The following GCA variants were observed in gnomAD, a reference collection of about 807,000 sequenced individuals.
The protein encoded by GCA is grancalcin.
A neutral mutation model predicts 32.6 loss-of-function variants in GCA; 30 were observed. The ratio of observed to expected loss-of-function variants is 0.92; its 90% CI spans 0.69 to 1.25. The LOEUF is 1.25. Among genes scored for constraint, GCA ranks in the 50% most tolerant of loss-of-function variants. GCA has a pLI of 0.00. For synonymous variants in GCA, 102 were observed against 84.6 expected (o/e 1.21, Z -1.13); for missense variants, 291 against 266.8 (o/e 1.09, Z -0.63).
chr2:162,361,084 T>G lies in GCA; in HGVS notation c.*841T>G. ...GTTGTTTAAATGTAATGTCAACTCTTTATAAACTTAAAAATAAACAAGTAA... is the reference window on the plus strand; with the variant it reads ...GTTGTTTAAATGTAATGTCAACTCTGTATAAACTTAAAAATAAACAAGTAA... On this transcript the variant is annotated 3_prime_UTR_variant, in exon 8 of 8. Coordinates refer to ENST00000437150, the MANE Select transcript of GCA (RefSeq NM_012198.5). The G allele has an allele frequency of 1.1e-6, 1 of 949,592 alleles. No individual in the cohort carries two copies. Among genetic ancestry groups the G allele is most frequent in the Non-Finnish European group, 1.3e-6 (1 of 791,920 alleles). 58.8% of individuals were successfully genotyped at this position (949,592 alleles called of 1,614,324 possible).
intron 1 of GCA, among the ~76,000 whole-genome samples, chr2:162,323,480 G>T (rs1025151730): frequency 5.3e-5 from 8 of 151,740 alleles, no homozygotes; most frequent in African/African-American, 1.9e-4. Context: ...TGAAGTCCTT[G>T]CCCATGCGTA....
At chr2:162,356,542 G>A in intron 4 of GCA, 61 bp downstream of exon 4, 2 of 1,073,872 alleles carry the variant, frequency 1.9e-6, no homozygotes, top group Non-Finnish European at 2.9e-6. Context: ...TGACTATCAA[G>A]CCAGTGGTTA....
At chr2:162,372,162 T>A, downstream of GCA, 1 of 1,252,668 alleles carries the variant, frequency 8.0e-7, no homozygotes, top group Non-Finnish European at 1.1e-6. Context: ...AAAATTACAC[T>A]AATAAAAACT....
At chr2:162,371,394 C>G (rs963091350) in exon 5 of GCA, 5 of 1,288,382 alleles carry the variant, frequency 3.9e-6, no homozygotes, top group Non-Finnish European at 5.1e-6. Context: ...CCCTTTATCC[C>G]CCTGGAATTC....
intron 3 of GCA, 74 bp from the exon 4 acceptor site, chr2:162,356,364 A>T (rs1169204074): frequency 2.4e-6 from 2 of 836,882 alleles, no homozygotes; most frequent in Non-Finnish European, 4.1e-6. Flanking sequence ...TTTATTTTGA[A>T]ACTGGAGATT....
At chr2:162,366,892 T>C (rs1324104601), downstream of GCA, among the ~76,000 whole-genome samples, 1 of 151,918 alleles carries the variant, frequency 6.6e-6, no homozygotes, top group Non-Finnish European at 1.5e-5. Context: ...GTTTTTGTTA[T>C]ACAGTATGAA....
At chr2:162,323,753 G>A (rs1576251824) in intron 1 of GCA, among the ~76,000 whole-genome samples, 1 of 151,762 alleles carries the variant, frequency 6.6e-6, no homozygotes, top group East Asian at 1.9e-4. Flanking sequence ...GCTCTGTTCT[G>A]TTCCATTGAT....
chr2:162,372,118 A>G, downstream of GCA: 3 of 1,574,698 alleles, frequency 1.9e-6, no homozygotes, highest in Non-Finnish European at 1.7e-6. Context: ...GAACAAAACA[A>G]GTTTTTATAA....
In GCA at chr2:162,362,547, C is replaced by A. The variant is rs986801186; in HGVS notation, c.*2304C>A. The A allele has an allele frequency of 1.0e-6, 1 of 957,828 alleles. No homozygotes were observed. The highest frequency in any genetic ancestry group is 1.2e-6 in the Non-Finnish European group (1 of 804,936). 59.3% of individuals were successfully genotyped at this position (957,828 alleles called of 1,614,324 possible). On this transcript the variant is annotated 3_prime_UTR_variant, in exon 8 of 8. Transcript: ENST00000437150. Reference sequence around the variant, plus strand: ...TGTAAATTATTGAATAATGTACACTCTTAATGTATAAGTGCTTTTATTTAT... The same window carrying A: ...TGTAAATTATTGAATAATGTACACTATTAATGTATAAGTGCTTTTATTTAT...
At chr2:162,327,109 C>A (rs758998021) in intron 1 of GCA, among the ~76,000 whole-genome samples, 1 of 152,074 alleles carries the variant, frequency 6.6e-6, no homozygotes. Context: ...TGGTTCTGCC[C>A]AATTGGTCGG....
At chr2:162,328,036 C>T (rs191343603) in intron 1 of GCA, among the ~76,000 whole-genome samples, 13 of 152,108 alleles carry the variant, frequency 8.5e-5, no homozygotes, top group African/African-American at 2.6e-4. Flanking sequence ...CCCTTTAGCC[C>T]GTCGCTGCAC....
intron 6 of GCA, 136 bp from the exon 7 acceptor site, chr2:162,359,358 T>A (rs1412330487): frequency 1.7e-6 from 1 of 591,344 alleles, no homozygotes; most frequent in Non-Finnish European, 3.0e-6. Flanking sequence ...TTTTCTCATA[T>A]CTCTGTTGCC....
chr2:162,332,119 C>A (rs1684108427), intron 1 of GCA, among the ~76,000 whole-genome samples: 1 of 151,718 alleles, frequency 6.6e-6, no homozygotes, highest in Non-Finnish European at 1.5e-5. Context: ...ACCATCCTGG[C>A]TAACATGGTG....
exon 5 of GCA, chr2:162,371,513 A>T: frequency 8.2e-7 from 1 of 1,213,560 alleles, no homozygotes; most frequent in Non-Finnish European, 1.1e-6. Flanking sequence ...GGTTTAGTAA[A>T]AGCAGTAAAT....
chr2:162,341,722 T>A (rs1254571451), upstream of GCA, among the ~76,000 whole-genome samples: 1 of 152,218 alleles, frequency 6.6e-6, no homozygotes, highest in Non-Finnish European at 1.5e-5. Context: ...TTTATTATAT[T>A]CTGAAATACA....
chr2:162,371,762 A>T, downstream of GCA: 1 of 1,427,806 alleles, frequency 7.0e-7, no homozygotes, highest in Non-Finnish European at 9.6e-7. Flanking sequence ...GAGAGGATTT[A>T]AATAGAAAAA....
upstream of GCA, among the ~76,000 whole-genome samples, chr2:162,339,496 A>T (rs959856717): frequency 3.3e-5 from 5 of 152,166 alleles, no homozygotes; most frequent in African/African-American, 1.2e-4. Flanking sequence ...TTCAACTTTC[A>T]GATTTTGTGT....
rs1301402452 is a variant in GCA at position 162,356,497 on chromosome 2, A to G, written c.306+16A>G. ...CATGTTGGATGTATCCTTGAATAGA[A>G]ATAGAAAATACTAGAATAAAGAGTA... On this transcript the variant is annotated intron_variant, in intron 4 of 7. Coordinates refer to ENST00000437150, the MANE Select transcript of GCA (RefSeq NM_012198.5). 2.0e-6 allele frequency: 3 copies of G among 1,478,786 alleles called. No homozygotes were observed. The South Asian group carries it at 3.4e-5, about 17-fold the overall frequency. 91.6% of individuals were successfully genotyped at this position (1,478,786 alleles called of 1,614,324 possible).
At chr2:162,371,721 A>G, downstream of GCA, 1 of 1,075,884 alleles carries the variant, frequency 9.3e-7, no homozygotes, top group Non-Finnish European at 1.3e-6. Context: ...TTTTGCATAT[A>G]ATGGTACCTT....
Sources: allele counts gnomAD v4.1 joint callset (sites outside exome capture counted in the v4.1 genomes callset), GRCh38; gene constraint gnomAD v4.1.1; transcripts MANE v1.5; gene names NCBI Gene and HGNC (gene_info 2026-07-23, HGNC 2026-07-21).